ADARB2: variants seen among roughly 807,000 people sequenced by gnomAD.
The protein encoded by ADARB2 is inactive double-stranded RNA-specific editase B2.
A neutral mutation model predicts 62.2 loss-of-function variants in ADARB2; 25 were observed. That is an observed-to-expected ratio of 0.40 (90% CI 0.29 to 0.56). The LOEUF (loss-of-function observed/expected upper bound fraction) is 0.56. Among genes scored for constraint, ADARB2 ranks in the 20% least tolerant of loss-of-function variants. The pLI, the probability that ADARB2 is intolerant of heterozygous loss-of-function variation, is 0.43. For synonymous variants in ADARB2, 572 were observed against 500.8 expected (o/e 1.14, Z -1.90); for missense variants, 1,071 against 1,077.4 (o/e 0.99, Z 0.08).
intron 1 of ADARB2, among the ~76,000 whole-genome samples, chr10:1,455,155 T>C (rs1231032123): frequency 6.6e-6 from 1 of 152,212 alleles, no homozygotes; most frequent in Non-Finnish European, 1.5e-5. Flanking sequence ...CACTTATGAA[T>C]AGTTGGCAGC....
chr10:1,365,075 T>C (rs1190491256), intron 2 of ADARB2, among the ~76,000 whole-genome samples: 1 of 152,086 alleles, frequency 6.6e-6, no homozygotes, highest in Non-Finnish European at 1.5e-5. Flanking sequence ...TTTCACCGTG[T>C]TGGCTAGGCT....
intron 1 of ADARB2, among the ~76,000 whole-genome samples, chr10:1,527,223 G>T (rs1233620876): frequency 6.6e-6 from 1 of 152,188 alleles, no homozygotes; most frequent in Non-Finnish European, 1.5e-5. Flanking sequence ...AATTCCTTGT[G>T]GAGAACTGCT....
At chr10:1,676,571 G>C (rs1834469159) in intron 1 of ADARB2, among the ~76,000 whole-genome samples, 2 of 151,988 alleles carry the variant, frequency 1.3e-5, no homozygotes, top group Non-Finnish European at 2.9e-5. Flanking sequence ...ATATTCTCCA[G>C]ACTGGGGACC....
intron 1 of ADARB2, among the ~76,000 whole-genome samples, chr10:1,634,385 A>G (rs1018066397): frequency 6.6e-6 from 1 of 152,176 alleles, no homozygotes; most frequent in Non-Finnish European, 1.5e-5. Context: ...GGGCAAGGTG[A>G]CCTCAGAACT....
intron 6 of ADARB2, among the ~76,000 whole-genome samples, chr10:1,233,321 C>G (rs1034597978): frequency 6.6e-6 from 1 of 152,194 alleles, no homozygotes; most frequent in Non-Finnish European, 1.5e-5. Context: ...TTTTCCTCCC[C>G]AACGCTGTGA....
chr10:1,244,689 G>A (rs1220052299), intron 4 of ADARB2, among the ~76,000 whole-genome samples: 3 of 152,148 alleles, frequency 2.0e-5, no homozygotes, highest in Non-Finnish European at 2.9e-5. Context: ...AGCATGAGAT[G>A]TCGTATGAGA....
intron 4 of ADARB2, among the ~76,000 whole-genome samples, chr10:1,248,227 TG>T (rs1405087680): frequency 6.6e-6 from 1 of 151,420 alleles, no homozygotes; most frequent in Non-Finnish European, 1.5e-5. Flanking sequence ...TCATGAGCTG[TG>T]GGCACTCCCA....
intron 1 of ADARB2, among the ~76,000 whole-genome samples, chr10:1,708,012 G>C (rs1834910609): frequency 6.6e-6 from 1 of 152,202 alleles, no homozygotes; most frequent in African/African-American, 2.4e-5. Flanking sequence ...CTAAGACCCA[G>C]GTCCCTTCAG....
chr10:1,505,767 T>C (rs1245903908), intron 1 of ADARB2, among the ~76,000 whole-genome samples: 2 of 151,856 alleles, frequency 1.3e-5, no homozygotes, highest in Non-Finnish European at 2.9e-5. Context: ...CGCCTCCCCA[T>C]GCCCGTGGTT....
At chr10:1,584,691 A>C (rs1833151939) in intron 1 of ADARB2, among the ~76,000 whole-genome samples, 1 of 152,228 alleles carries the variant, frequency 6.6e-6, no homozygotes, top group Non-Finnish European at 1.5e-5. Context: ...AGCGACCAAG[A>C]GGCCCTTCAG....
intron 1 of ADARB2, chr10:1,556,652 G>T (rs377469704): frequency 5.6e-6 from 3 of 533,162 alleles, no homozygotes; most frequent in Admixed American, 1.9e-5. Flanking sequence ...ATCACATTGC[G>T]CTCCAAGTAC....
intron 3 of ADARB2, among the ~76,000 whole-genome samples, chr10:1,295,961 AGCCTGTGGTTG>A (rs768100698): frequency 7.9e-5 from 12 of 151,984 alleles, no homozygotes; most frequent in Non-Finnish European, 1.6e-4. Context: ...CTCACTCAGG[AGCCTGTGGTTG>A]GACTGGGGTG....
chr10:1,521,532 A>G (rs1832074115), intron 1 of ADARB2, among the ~76,000 whole-genome samples: 2 of 152,228 alleles, frequency 1.3e-5, no homozygotes, highest in Non-Finnish European at 1.5e-5. Context: ...GACATGCCTC[A>G]TGATGCCTCT....
Position 1,177,957 on chromosome 10 carries a change from A to T in ADARB2, c.*5236T>A, listed in dbSNP as rs1836610369. The T allele has an allele frequency of 6.6e-6, 1 of 152,232 alleles. No homozygotes were observed. Among genetic ancestry groups the T allele is most frequent in the Non-Finnish European group, 1.5e-5 (1 of 68,056 alleles). 9.4% of individuals were successfully genotyped at this position (152,232 alleles called of 1,614,324 possible). The stretch of plus-strand genomic sequence containing the variant: ...AAAAATACAAAAATTAGCCAATCTC[A>T]TAAGCCGGTCTCAAAAAAGTAAATA... On this transcript the variant is annotated 3_prime_UTR_variant, in exon 10 of 10. Transcript: ENST00000381312.
chr10:1,397,732 C>T (rs555940368), intron 1 of ADARB2, among the ~76,000 whole-genome samples: 1 of 70,812 alleles, frequency 1.4e-5, no homozygotes. Context: ...TCTCCCCTCC[C>T]GAGTGGAGGC....
intron 1 of ADARB2, among the ~76,000 whole-genome samples, chr10:1,587,508 A>G (rs1361884750): frequency 6.6e-6 from 1 of 152,114 alleles, no homozygotes; most frequent in African/African-American, 2.4e-5. Flanking sequence ...TTCTGTGTGA[A>G]TATGGTTATG....
intron 4 of ADARB2, among the ~76,000 whole-genome samples, chr10:1,270,561 A>G (rs1831251405): frequency 6.7e-6 from 1 of 150,110 alleles, no homozygotes; most frequent in African/African-American, 2.5e-5. Flanking sequence ...CGGCTGGGTC[A>G]CCCTTGTTTC....
chr10:1,556,140 A>T (rs1340862343), intron 1 of ADARB2, among the ~76,000 whole-genome samples: 1 of 152,034 alleles, frequency 6.6e-6, no homozygotes, highest in Non-Finnish European at 1.5e-5. Context: ...AATTCCCAGG[A>T]TGAGGGGGCA....
chr10:1,419,540 T>C (rs901974013), intron 1 of ADARB2, among the ~76,000 whole-genome samples: 4 of 152,218 alleles, frequency 2.6e-5, no homozygotes, highest in Non-Finnish European at 5.9e-5. Context: ...GGCCACTTTA[T>C]GGAGGGCACA....
Sources: gnomAD v4.1 joint callset for allele counts (sites outside exome capture counted in the v4.1 genomes callset) on GRCh38, gnomAD v4.1.1 for gene constraint, MANE v1.5 for transcripts, NCBI Gene and HGNC (gene_info 2026-07-23, HGNC 2026-07-21) for gene names.